The following DEAF1 variants were observed in gnomAD, a reference collection of about 807,000 sequenced individuals.
DEAF1 encodes DEAF1 transcription factor, also known as deformed epidermal autoregulatory factor 1 homolog.
Under a neutral mutation model 58.9 loss-of-function variants are expected in DEAF1, and 53 were observed. The observed-to-expected ratio is 0.90, with a 90% confidence interval of 0.72 to 1.13. DEAF1 has a LOEUF of 1.13. Among genes scored for constraint, DEAF1 ranks in the 50% most tolerant of loss-of-function variants. The pLI, the probability that DEAF1 is intolerant of heterozygous loss-of-function variation, is 0.00. For synonymous variants in DEAF1, 385 were observed against 340.4 expected (o/e 1.13, Z -1.44); for missense variants, 685 against 791.4 (o/e 0.87, Z 1.61).
chr11:691,295 C>T (rs981777926), intron 2 of DEAF1, among the ~76,000 whole-genome samples: 15 of 152,202 alleles, frequency 9.9e-5, no homozygotes, highest in Admixed American at 9.2e-4. Context: ...CCTGGCCTTC[C>T]GAGGCAGCTT....
chr11:664,098 A>G (rs1859431502), intron 10 of DEAF1, among the ~76,000 whole-genome samples: 1 of 152,132 alleles, frequency 6.6e-6, no homozygotes, highest in Non-Finnish European at 1.5e-5. Context: ...CTGTATTCCC[A>G]GCTACTCAGG....
At chr11:675,148 G>A (rs1396952425) in intron 9 of DEAF1, among the ~76,000 whole-genome samples, 1 of 122,724 alleles carries the variant, frequency 8.1e-6, no homozygotes, top group African/African-American at 2.7e-5. Flanking sequence ...TGGCACCACT[G>A]CACTCCAGCC....
At chr11:669,927 C>CAAAA (rs59541099) in intron 10 of DEAF1, among the ~76,000 whole-genome samples, 5 of 86,888 alleles carry the variant, frequency 5.8e-5, no homozygotes, top group South Asian at 4.1e-4. Flanking sequence ...GAGACTGTCT[C>CAAAA]AAAAAAAAAA....
At chr11:651,721 C>CT in intron 11 of DEAF1, among the ~76,000 whole-genome samples, 1 of 152,228 alleles carries the variant, frequency 6.6e-6, no homozygotes, top group Middle Eastern at 3.4e-3. Context: ...CCTGTCTCTA[C>CT]TAAAAATACA....
upstream of DEAF1, chr11:700,075 C>G (rs1425423087): frequency 5.0e-6 from 7 of 1,390,204 alleles, no homozygotes; most frequent in Non-Finnish European, 7.1e-6. Context: ...ACCAGCCCCT[C>G]TTGTTCAGCC....
upstream of DEAF1, chr11:697,369 T>C (rs1005509582): frequency 1.3e-5 from 2 of 152,266 alleles, no homozygotes; most frequent in African/African-American, 4.8e-5. Context: ...ACACAGCTAT[T>C]CGTAGCCACA....
At chr11:685,294 G>T (rs1860544528) in intron 5 of DEAF1, among the ~76,000 whole-genome samples, 1 of 152,040 alleles carries the variant, frequency 6.6e-6, no homozygotes, top group Non-Finnish European at 1.5e-5. Flanking sequence ...ATGTTGACCA[G>T]GCTGGTCTCG....
intron 8 of DEAF1, among the ~76,000 whole-genome samples, chr11:679,157 CA>C (rs932267297): frequency 3.3e-4 from 49 of 150,394 alleles, no homozygotes; most frequent in Non-Finnish European, 5.5e-4. Context: ...CTAAAAATAC[CA>C]AAAAAAAATT....
chr11:696,773 A>C (rs933559330), upstream of DEAF1, among the ~76,000 whole-genome samples: 5 of 612 alleles, frequency 8.2e-3, no homozygotes, highest in Non-Finnish European at 0.083. Flanking sequence ...TCTACAAAAA[A>C]AAAATTAAAA....
At chr11:696,113 C>T (rs191011368), upstream of DEAF1, among the ~76,000 whole-genome samples, 1 of 152,082 alleles carries the variant, frequency 6.6e-6, no homozygotes, top group Admixed American at 6.5e-5. Flanking sequence ...CCCCAGTCCC[C>T]GGCAGCTCTT....
chr11:677,180 G>A (rs1413575215), intron 9 of DEAF1, among the ~76,000 whole-genome samples: 7 of 150,658 alleles, frequency 4.6e-5, no homozygotes, highest in African/African-American at 7.3e-5. Flanking sequence ...TGCCCAGGCC[G>A]GTCTCAAACT....
Position 695,083 on chromosome 11 carries a change from G to A in DEAF1, c.-36C>T. ...CCGAGCCTTCCCGAAGGCGCCGTCC[G>A]GGACCGCCCGAAGCGCCGGTCGCGG... On this transcript the variant is annotated 5_prime_UTR_variant, in exon 1 of 12. Coordinates refer to ENST00000382409, the MANE Select transcript of DEAF1 (RefSeq NM_021008.4). The A allele has an allele frequency of 7.1e-7, 1 of 1,415,192 alleles. No individual in the cohort carries two copies. Among genetic ancestry groups the A allele is most frequent in the Admixed American group, 2.9e-5 (1 of 34,534 alleles). The allele number at this position is 1,415,192 out of a possible 1,614,324, so 87.7% of individuals were successfully genotyped here.
At chr11:706,080 C>A (rs1003926646) in intron 1 of DEAF1, 1 of 152,064 alleles carries the variant, frequency 6.6e-6, no homozygotes, top group African/African-American at 2.4e-5. Flanking sequence ...CGCCTCCATC[C>A]CACGCCCTCC....
chr11:695,722 C>T (rs757801113), upstream of DEAF1: 6 of 1,240,370 alleles, frequency 4.8e-6, no homozygotes, highest in South Asian at 3.8e-5. Flanking sequence ...AAACGCGGCG[C>T]GGTCGGGCCC....
chr11:673,373 AG>A (rs1281643930), intron 10 of DEAF1, among the ~76,000 whole-genome samples: 25 of 150,474 alleles, frequency 1.7e-4, no homozygotes, highest in Non-Finnish European at 7.4e-5. Flanking sequence ...CCAAAAATAC[AG>A]AAAATTAGCC....
At chr11:680,749 C>T (rs773353529) in intron 7 of DEAF1, among the ~76,000 whole-genome samples, 3 of 152,200 alleles carry the variant, frequency 2.0e-5, no homozygotes, top group Non-Finnish European at 4.4e-5. Flanking sequence ...CAACAGTGTC[C>T]GGGTCCCAGG....
rs777825063 is a variant in DEAF1, at chr11:688,302, C to T, written c.517+29G>A. 42 of 1,608,098 alleles carry T rather than the reference C, an allele frequency of 2.6e-5. No homozygotes were observed. The highest frequency in any genetic ancestry group is 2.2e-5 in the South Asian group (2 of 90,658). Reference sequence around the variant, plus strand: ...TAGCTATTCTGAAACGTGTTTTGCCCGAGGCCTGGGGTGCAGGCACCGCTG... The same window carrying T: ...TAGCTATTCTGAAACGTGTTTTGCCTGAGGCCTGGGGTGCAGGCACCGCTG... On this transcript the variant is annotated intron_variant, in intron 3 of 11. Transcript: ENST00000382409. This position sits in a 1 kb window ranked among gnomAD's most constrained non-coding sequence, Gnocchi z 4.3.
chr11:661,692 A>G (rs1278970231), intron 10 of DEAF1, among the ~76,000 whole-genome samples: 1 of 152,114 alleles, frequency 6.6e-6, no homozygotes, highest in Non-Finnish European at 1.5e-5. Flanking sequence ...CCTGGGCAAC[A>G]AGAGCGAAAC....
At chr11:698,862 C>G (rs370732826), upstream of DEAF1, 2 of 1,614,174 alleles carry the variant, frequency 1.2e-6, no homozygotes. Context: ...GCCCCTTTCT[C>G]TTTCAGGGAG....
Sources: gnomAD v4.1 joint callset for allele counts (sites outside exome capture counted in the v4.1 genomes callset) on GRCh38, gnomAD v4.1.1 for gene constraint, Gnocchi (gnomAD v3.1) non-coding constraint, MANE v1.5 for transcripts, NCBI Gene and HGNC (gene_info 2026-07-23, HGNC 2026-07-21) for gene names.